The following PPARG variants were observed in gnomAD, a reference collection of about 807,000 sequenced individuals.
PPARG encodes peroxisome proliferator-activated receptor gamma.
Under a neutral mutation model 39.2 loss-of-function variants are expected in PPARG, and 17 were observed. That is an observed-to-expected ratio of 0.43 (90% CI 0.30 to 0.65). The LOEUF (loss-of-function observed/expected upper bound fraction) is 0.65. Ranked by LOEUF, PPARG falls within the 30% of genes least tolerant of loss-of-function variation. The pLI is 0.13. For synonymous variants in PPARG, 223 were observed against 215.7 expected (o/e 1.03, Z -0.30); for missense variants, 406 against 585.9 (o/e 0.69, Z 3.17).
At chr3:12,291,007 T>C (rs1574931761) in intron 1 of PPARG, among the ~76,000 whole-genome samples, 2 of 152,320 alleles carry the variant, frequency 1.3e-5, no homozygotes, top group South Asian at 4.1e-4. Context: ...GGTGTCTTTC[T>C]GCTGGATTCG....
intron 1 of PPARG, among the ~76,000 whole-genome samples, chr3:12,295,313 T>A (rs971305998): frequency 2.6e-5 from 4 of 152,166 alleles, no homozygotes. Flanking sequence ...GATGTCAATA[T>A]AAATGAAGTA....
intron 2 of PPARG, among the ~76,000 whole-genome samples, chr3:12,373,447 G>GA (rs2049292307): frequency 6.6e-6 from 1 of 152,112 alleles, no homozygotes; most frequent in Non-Finnish European, 1.5e-5. Context: ...CAGCAAAAGA[G>GA]AAAAAACTGA....
At chr3:12,366,233 T>C (rs2049011861) in intron 2 of PPARG, among the ~76,000 whole-genome samples, 1 of 152,146 alleles carries the variant, frequency 6.6e-6, no homozygotes, top group Non-Finnish European at 1.5e-5. Context: ...ATATTAAATT[T>C]CGCTTGTTCA....
intron 2 of PPARG, among the ~76,000 whole-genome samples, chr3:12,348,280 T>A (rs750031004): frequency 6.6e-6 from 1 of 152,194 alleles, no homozygotes; most frequent in East Asian, 1.9e-4. Flanking sequence ...TTTTCTTACT[T>A]TTTGTTATTG....
intron 2 of PPARG, among the ~76,000 whole-genome samples, chr3:12,358,639 C>T (rs1448668832): frequency 6.6e-6 from 1 of 152,090 alleles, no homozygotes; most frequent in East Asian, 1.9e-4. Context: ...AGCAAGTTTG[C>T]TTAGTGGATT....
At chr3:12,350,900 C>T (rs1020947315) in intron 2 of PPARG, among the ~76,000 whole-genome samples, 7 of 152,180 alleles carry the variant, frequency 4.6e-5, no homozygotes, top group African/African-American at 1.4e-4. Context: ...TCAAACCCTT[C>T]TTCATTCTCT....
At chr3:12,386,724 TTTA>T (rs1347309003) in intron 4 of PPARG, among the ~76,000 whole-genome samples, 1 of 152,166 alleles carries the variant, frequency 6.6e-6, no homozygotes, top group Non-Finnish European at 1.5e-5. Context: ...TTTTCTTTTT[TTTA>T]TTATTCTTAT....
intron 2 of PPARG, among the ~76,000 whole-genome samples, chr3:12,374,114 C>T (rs1416309441): frequency 1.3e-5 from 2 of 152,236 alleles, no homozygotes; most frequent in East Asian, 1.9e-4. Flanking sequence ...GCCTTGAATG[C>T]CAAGCTAAAA....
intron 4 of PPARG, among the ~76,000 whole-genome samples, chr3:12,392,360 A>G (rs1038860633): frequency 3.3e-5 from 5 of 152,212 alleles, no homozygotes; most frequent in African/African-American, 1.2e-4. Context: ...GCCAAGATCC[A>G]ATGAAAGCCG....
chr3:12,350,430 A>G (rs2048447457), intron 2 of PPARG, among the ~76,000 whole-genome samples: 1 of 152,190 alleles, frequency 6.6e-6, no homozygotes, highest in South Asian at 2.1e-4. Context: ...TTAACCAGAT[A>G]TATATTTATT....
chr3:12,312,777 A>G (rs1012554281), intron 2 of PPARG, among the ~76,000 whole-genome samples: 1 of 152,156 alleles, frequency 6.6e-6, no homozygotes, highest in Non-Finnish European at 1.5e-5. Flanking sequence ...GATTCTTATG[A>G]TACTTTTAAT....
At chr3:12,365,213 T>C (rs934617335) in intron 2 of PPARG, among the ~76,000 whole-genome samples, 9 of 152,254 alleles carry the variant, frequency 5.9e-5, no homozygotes, top group African/African-American at 2.2e-4. Context: ...GCAGTTCACC[T>C]GCTGTGCAGC....
At chr3:12,375,359 A>G (rs1156477029) in intron 2 of PPARG, among the ~76,000 whole-genome samples, 1 of 152,190 alleles carries the variant, frequency 6.6e-6, no homozygotes. Flanking sequence ...CAGTAAAATC[A>G]TGAGCAACCA....
At chr3:12,339,077 C>T (rs1454634415) in intron 2 of PPARG, among the ~76,000 whole-genome samples, 1 of 152,096 alleles carries the variant, frequency 6.6e-6, no homozygotes, top group East Asian at 1.9e-4. Flanking sequence ...TGTATCAATA[C>T]ACAGCCTAAT....
intron 6 of PPARG, 69 bp from the exon 7 acceptor site, chr3:12,416,633 GAA>G (rs2051065169): frequency 6.9e-7 from 1 of 1,446,074 alleles, no homozygotes; most frequent in South Asian, 1.2e-5. Flanking sequence ...ACAGTTTTCT[GAA>G]CCTGGGATGG....
At chr3:12,326,019 T>G (rs993848752) in intron 2 of PPARG, among the ~76,000 whole-genome samples, 1 of 152,122 alleles carries the variant, frequency 6.6e-6, no homozygotes, top group African/African-American at 2.4e-5. Context: ...CTGAACAAAT[T>G]TAGTGATGCT....
chr3:12,410,026 T>A (rs2050823345), intron 6 of PPARG, among the ~76,000 whole-genome samples: 1 of 152,200 alleles, frequency 6.6e-6, no homozygotes, highest in Admixed American at 6.5e-5. Flanking sequence ...CTTTTCATTG[T>A]TTTGCCTAAA....
At chr3:12,426,983 C>G (rs931529721) in intron 7 of PPARG, among the ~76,000 whole-genome samples, 1 of 152,204 alleles carries the variant, frequency 6.6e-6, no homozygotes, top group Non-Finnish European at 1.5e-5. Flanking sequence ...ATACCCCAGG[C>G]AAGTGAATCA....
At chr3:12,414,191 G>T (rs114153394) in intron 6 of PPARG, among the ~76,000 whole-genome samples, 1 of 152,218 alleles carries the variant, frequency 6.6e-6, no homozygotes, top group African/African-American at 2.4e-5. Context: ...AAGTTGAAGT[G>T]GGCAGTTCTG....
Sources: allele counts gnomAD v4.1 joint callset (sites outside exome capture counted in the v4.1 genomes callset), GRCh38; gene constraint gnomAD v4.1.1; transcripts MANE v1.5; gene names NCBI Gene and HGNC (gene_info 2026-07-23, HGNC 2026-07-21).